The following ZNF2 variants were observed in gnomAD, a reference collection of about 807,000 sequenced individuals.
The protein encoded by ZNF2 is zinc finger protein 2.2.
A neutral mutation model predicts 21.9 loss-of-function variants in ZNF2; 12 were observed. The observed-to-expected ratio is 0.55, with a 90% CI of 0.35 to 0.89. ZNF2 has a LOEUF of 0.89. Among genes scored for constraint, ZNF2 ranks in the 40% least tolerant of loss-of-function variants. The probability of loss-of-function intolerance (pLI) is 0.01; values close to 1 mark genes in which losing one functional copy is unlikely to be tolerated. For synonymous variants in ZNF2, 186 were observed against 196.3 expected, an observed-to-expected ratio of 0.95 and a Z score of 0.44; for missense variants, 462 against 544.2, an observed-to-expected ratio of 0.85 and a Z score of 1.50.
At chr2:95,178,736 A>G (rs1417183075) in intron 3 of ZNF2, among the ~76,000 whole-genome samples, 2 of 152,214 alleles carry the variant, frequency 1.3e-5, no homozygotes, top group African/African-American at 2.4e-5. Flanking sequence ...TAATAGGACT[A>G]GTAGTCCATG....
intron 4 of ZNF2, among the ~76,000 whole-genome samples, chr2:95,180,598 C>T (rs1674605301): frequency 1.3e-5 from 2 of 151,962 alleles, no homozygotes; most frequent in Admixed American, 6.6e-5. Context: ...TAACCTCCAC[C>T]TCCCAGGTTC....
chr2:95,181,551 T>G lies in ZNF2; in HGVS notation c.723T>G (p.Arg241=). 1 of 1,614,126 alleles carries G rather than the reference T, an allele frequency of 6.2e-7. No individual in the cohort carries two copies. Among genetic ancestry groups the G allele is most frequent in the Non-Finnish European group, 8.5e-7 (1 of 1,180,026 alleles). Residue 241 remains arginine (R), a synonymous_variant, in exon 5 of 5, where the codon CGT becomes CGG. Coordinates refer to ENST00000614034, the MANE Select transcript of ZNF2 (RefSeq NM_021088.4). ...TGTGCTCAAAAGCCTTCTTTGACCGTTCGTCCCTAACTGTCCATCAGCGAA... is the reference window on the plus strand; with the variant it reads ...TGTGCTCAAAAGCCTTCTTTGACCGGTCGTCCCTAACTGTCCATCAGCGAA... ...CSVCSKAFFD[R]SSLTVHQRIH...
At chr2:95,171,791 C>T (rs550344367) in intron 1 of ZNF2, among the ~76,000 whole-genome samples, 16 of 152,356 alleles carry the variant, frequency 1.1e-4, no homozygotes, top group South Asian at 8.3e-4. Flanking sequence ...ATGGTCTACT[C>T]ACCTCCATTC....
Position 95,184,082 on chromosome 2 carries a change from T to A in ZNF2, c.*1976T>A, listed in dbSNP as rs1674781129. The A allele has an allele frequency of 6.6e-6, 1 of 152,172 alleles. No individual in the cohort carries two copies. Among genetic ancestry groups the A allele is most frequent in the African/African-American group, 2.4e-5 (1 of 41,430 alleles). The allele number at this position is 152,172 out of a possible 1,614,324, so 9.4% of individuals were successfully genotyped here. The stretch of plus-strand genomic sequence containing the variant: ...TGATTCCCAGTGAATTGAGATGAAT[T>A]TCCTCTGGAAGTTCAAGTCGGATTC... On this transcript the variant is annotated 3_prime_UTR_variant, in exon 5 of 5. Coordinates refer to ENST00000614034, the MANE Select transcript of ZNF2 (RefSeq NM_021088.4).
At chr2:95,169,268 C>T (rs1674192245) in intron 1 of ZNF2, among the ~76,000 whole-genome samples, 1 of 152,174 alleles carries the variant, frequency 6.6e-6, no homozygotes, top group South Asian at 2.1e-4. Flanking sequence ...GTTCAGTGCT[C>T]AGTTTAATTA....
chr2:95,174,062 T>G (rs1674365144), intron 1 of ZNF2, among the ~76,000 whole-genome samples: 1 of 152,232 alleles, frequency 6.6e-6, no homozygotes, highest in Non-Finnish European at 1.5e-5. Flanking sequence ...CATAAATTAT[T>G]TAACCAAGTC....
intron 3 of ZNF2, 35 bp from the exon 4 acceptor site, chr2:95,180,124 A>G: frequency 6.9e-7 from 1 of 1,454,166 alleles, no homozygotes; most frequent in Non-Finnish European, 9.6e-7. Context: ...TTCATCACAC[A>G]CAGCCACCTG....
In ZNF2 at chr2:95,181,452, A is replaced by G; in HGVS notation, c.624A>G (p.Lys208=). 6.2e-7 allele frequency: 1 copy of G among 1,614,204 alleles called. No individual in the cohort carries two copies. Among genetic ancestry groups the G allele is most frequent in the Non-Finnish European group, 8.5e-7 (1 of 1,180,020 alleles). The change falls in exon 5 of 5, where the codon AAA becomes AAG. Residue 208 remains lysine, a synonymous_variant. Coordinates refer to ENST00000614034, the MANE Select transcript of ZNF2 (RefSeq NM_021088.4). ...EKPYDCRECG[K]AFSHRSSLSR... is the part of the protein sequence containing the mutation. Reference sequence around the variant, plus strand: ...CCTACGACTGCCGCGAGTGTGGGAAAGCCTTCAGCCACAGGAGCAGCCTCA... The same window carrying G: ...CCTACGACTGCCGCGAGTGTGGGAAGGCCTTCAGCCACAGGAGCAGCCTCA...
chr2:95,177,924 G>A (rs1394154659), intron 3 of ZNF2, among the ~76,000 whole-genome samples: 1 of 152,178 alleles, frequency 6.6e-6, no homozygotes, highest in Non-Finnish European at 1.5e-5. Flanking sequence ...TTAGAGGCAG[G>A]GAGCTGGCGC....
At position 95,177,588 on chromosome 2, in the gene ZNF2, T is replaced by A; in HGVS notation, c.139T>A (p.Tyr47Asn). ...CTACAAGGAGGTGATGCTGGAGAAC[T>A]ATAACAGCATTGTGTCATTGGGTAA... is the stretch of plus-strand genomic sequence containing the variant. Reference protein sequence around the residue: ...DLYKEVMLENYNSIVSLGLPV... With the variant: ...DLYKEVMLENNNSIVSLGLPV... The change falls in exon 3 of 5, where the codon TAT becomes AAT. Residue 47 changes from tyrosine to asparagine, a missense_variant. Transcript: ENST00000614034. 6.2e-7 allele frequency: 1 copy of A among 1,613,910 alleles called. No individual in the cohort carries two copies. The highest frequency in any genetic ancestry group is 8.5e-7 in the Non-Finnish European group (1 of 1,179,908).
At chr2:95,167,527 GAA>G (rs1316133310) in intron 1 of ZNF2, among the ~76,000 whole-genome samples, 1 of 141,766 alleles carries the variant, frequency 7.1e-6, no homozygotes, top group African/African-American at 2.6e-5. Context: ...AAAAAAAAAA[GAA>G]AGAAATAGAG....
Position 95,182,312 on chromosome 2 carries a change from A to C in ZNF2, c.*206A>C. ...CCATGGAAATGACTCTAAAGATACA[A>C]AATTTTGAAGAGGTTTGTCAGACAA... is the stretch of plus-strand genomic sequence containing the variant. On this transcript the variant is annotated 3_prime_UTR_variant, in exon 5 of 5. Coordinates refer to ENST00000614034, the MANE Select transcript of ZNF2 (RefSeq NM_021088.4). The C allele has an allele frequency of 1.6e-6, 1 of 620,182 alleles. No individual in the cohort carries two copies. The highest frequency in any genetic ancestry group is 2.6e-6 in the Non-Finnish European group (1 of 380,834). The allele number at this position is 620,182 out of a possible 1,614,324, so 38.4% of individuals were successfully genotyped here. A position where few individuals can be genotyped will look rare whatever the true frequency, so the allele number is the denominator to read the frequency against.
At chr2:95,165,942 G>C (rs1674013403) in intron 1 of ZNF2, 82 bp downstream of exon 1, 1 of 152,330 alleles carries the variant, frequency 6.6e-6, no homozygotes, top group Non-Finnish European at 1.5e-5. Context: ...TTGGGGAGGT[G>C]CTGTGGGAGC....
At chr2:95,168,240 A>G (rs1012438899) in intron 1 of ZNF2, among the ~76,000 whole-genome samples, 4 of 152,022 alleles carry the variant, frequency 2.6e-5, no homozygotes, top group African/African-American at 9.7e-5. Flanking sequence ...TCCTGGCCAA[A>G]ATGGTGAAAC....
At chr2:95,179,408 AT>A (rs1333901708) in intron 3 of ZNF2, among the ~76,000 whole-genome samples, 2 of 152,190 alleles carry the variant, frequency 1.3e-5, no homozygotes, top group Non-Finnish European at 2.9e-5. Flanking sequence ...TACACTTCTA[AT>A]TTTCCTAGAA....
At chr2:95,180,584 A>C (rs1573403415) in intron 4 of ZNF2, among the ~76,000 whole-genome samples, 2 of 148,884 alleles carry the variant, frequency 1.3e-5, no homozygotes, top group East Asian at 3.9e-4. Flanking sequence ...ATCTCAGCTC[A>C]CTGTAACCTC....
chr2:95,171,641 A>G (rs1573394651), intron 1 of ZNF2, among the ~76,000 whole-genome samples: 2 of 152,150 alleles, frequency 1.3e-5, no homozygotes, highest in Admixed American at 6.5e-5. Context: ...TCGGCCTCCC[A>G]AAGTGCTGAG....
At chr2:95,176,058 T>C in intron 1 of ZNF2, 130 bp from the exon 2 acceptor site, 1 of 848,430 alleles carries the variant, frequency 1.2e-6, no homozygotes, top group Non-Finnish European at 2.0e-6. Flanking sequence ...TTTGCTTTAC[T>C]TAGACCCCCT....
intron 3 of ZNF2, among the ~76,000 whole-genome samples, chr2:95,179,201 A>G (rs889021398): frequency 6.6e-6 from 1 of 152,142 alleles, no homozygotes; most frequent in East Asian, 1.9e-4. Context: ...CATGTTGGCC[A>G]GGCTGGTCTT....
Sources: gnomAD v4.1 joint callset for allele counts (sites outside exome capture counted in the v4.1 genomes callset) on GRCh38, gnomAD v4.1.1 for gene constraint, MANE v1.5 for transcripts, NCBI Gene and HGNC (gene_info 2026-07-23, HGNC 2026-07-21) for gene names.